The following ST8SIA1 variants were observed in gnomAD, a reference collection of about 807,000 sequenced individuals.
ST8SIA1 encodes the protein ST8 alpha-N-acetyl-neuraminide alpha-2,8-sialyltransferase 1.
ST8SIA1 carries 16 observed loss-of-function variants against 35.9 expected under a neutral mutation model. That is an observed-to-expected ratio of 0.45 (90% CI 0.30 to 0.68). ST8SIA1 has a LOEUF of 0.68. Ranked by LOEUF, ST8SIA1 falls within the 30% of genes least tolerant of loss-of-function variation. The pLI, the probability that ST8SIA1 is intolerant of heterozygous loss-of-function variation, is 0.09. For synonymous variants in ST8SIA1, 170 were observed against 169.6 expected (o/e 1.00, Z -0.02); for missense variants, 383 against 453.6 (o/e 0.84, Z 1.41).
intron 1 of ST8SIA1, among the ~76,000 whole-genome samples, chr12:22,312,801 A>G (rs546183468): frequency 2.0e-4 from 31 of 152,296 alleles, no homozygotes; most frequent in Admixed American, 7.8e-4. Flanking sequence ...GACACAAGCA[A>G]AACTTTACTA....
intron 4 of ST8SIA1, among the ~76,000 whole-genome samples, chr12:22,207,661 T>C (rs1201934707): frequency 2.0e-5 from 3 of 152,066 alleles, no homozygotes; most frequent in African/African-American, 4.8e-5. Context: ...ATAAAAAAGA[T>C]AAAACAATTT....
intron 4 of ST8SIA1, 91 bp downstream of exon 4, chr12:22,248,915 C>A: frequency 2.1e-6 from 2 of 933,764 alleles, no homozygotes; most frequent in South Asian, 3.3e-5. Context: ...CTTGATTTCC[C>A]AAACTGAATT....
Position 22,334,703 on chromosome 12 carries a change from G to GC in ST8SIA1, c.-472dup, listed in dbSNP as rs1866825709. Reference sequence around the variant, plus strand: ...GCCTCCCGCGCTGCTGCGCCGCCAGGCAACCCCCCCCCCCCCACCCCGCCC... The same window carrying GC: ...GCCTCCCGCGCTGCTGCGCCGCCAGGCCAACCCCCCCCCCCCCACCCCGCCC... On this transcript the variant is annotated 5_prime_UTR_variant, in exon 1 of 5. Coordinates refer to ENST00000396037, the MANE Select transcript of ST8SIA1 (RefSeq NM_003034.4). 1 of 101,630 alleles carries GC rather than the reference G, an allele frequency of 9.8e-6. No homozygotes were observed. Among genetic ancestry groups the GC allele is most frequent in the African/African-American group, 4.0e-5 (1 of 25,122 alleles). 6.3% of individuals were successfully genotyped at this position (101,630 alleles called of 1,614,324 possible).
chr12:22,273,261 C>T (rs977947031), intron 2 of ST8SIA1, among the ~76,000 whole-genome samples: 1 of 152,198 alleles, frequency 6.6e-6, no homozygotes, highest in East Asian at 1.9e-4. Context: ...GATTGATCCC[C>T]ACCGTTCACC....
chr12:22,246,716 C>T (rs1028438116), intron 4 of ST8SIA1, among the ~76,000 whole-genome samples: 3 of 152,024 alleles, frequency 2.0e-5, no homozygotes, highest in African/African-American at 7.3e-5. Flanking sequence ...TAAGAGAGGC[C>T]TGGTGAAGTC....
chr12:22,303,056 A>T (rs746009926), intron 1 of ST8SIA1, among the ~76,000 whole-genome samples: 33 of 152,330 alleles, frequency 2.2e-4, no homozygotes, highest in South Asian at 1.4e-3. Context: ...ACACGTGCTC[A>T]ACTTTGACAA....
intron 2 of ST8SIA1, among the ~76,000 whole-genome samples, chr12:22,276,952 T>C (rs901696813): frequency 6.6e-6 from 1 of 152,154 alleles, no homozygotes; most frequent in Non-Finnish European, 1.5e-5. Context: ...TGGCTTTCCA[T>C]TCCCTACAAA....
chr12:22,313,700 T>G (rs1415749606), intron 1 of ST8SIA1, among the ~76,000 whole-genome samples: 1 of 152,192 alleles, frequency 6.6e-6, no homozygotes, highest in East Asian at 1.9e-4. Context: ...ATTTTTACGC[T>G]AATGATTTTA....
At chr12:22,326,652 C>T (rs1460451405) in intron 1 of ST8SIA1, among the ~76,000 whole-genome samples, 1 of 152,128 alleles carries the variant, frequency 6.6e-6, no homozygotes, top group Non-Finnish European at 1.5e-5. Flanking sequence ...TCCTATCATC[C>T]CACCCAGCCA....
intron 1 of ST8SIA1, among the ~76,000 whole-genome samples, chr12:22,301,898 C>A (rs1866322556): frequency 1.3e-5 from 2 of 152,098 alleles, no homozygotes; most frequent in South Asian, 4.2e-4. Flanking sequence ...CATGGCTGGG[C>A]TCAGCTTTAA....
intron 4 of ST8SIA1, among the ~76,000 whole-genome samples, chr12:22,205,277 A>G (rs560956015): frequency 6.6e-6 from 1 of 152,340 alleles, no homozygotes; most frequent in South Asian, 2.1e-4. Context: ...TACTATATGA[A>G]TAAAAAACTA....
chr12:22,261,228 T>A (rs1174902607), intron 2 of ST8SIA1, among the ~76,000 whole-genome samples: 1 of 152,186 alleles, frequency 6.6e-6, no homozygotes, highest in Non-Finnish European at 1.5e-5. Flanking sequence ...CACTGCAACC[T>A]GAGCCTCCTG....
intron 4 of ST8SIA1, among the ~76,000 whole-genome samples, chr12:22,241,205 G>A (rs1219948443): frequency 6.6e-6 from 1 of 151,954 alleles, no homozygotes; most frequent in African/African-American, 2.4e-5. Flanking sequence ...AATTTCAGAA[G>A]GTAATATGTT....
At chr12:22,216,484 G>A (rs1565569089) in intron 4 of ST8SIA1, among the ~76,000 whole-genome samples, 1 of 152,246 alleles carries the variant, frequency 6.6e-6, no homozygotes, top group South Asian at 2.1e-4. Context: ...CCTTTGCCCT[G>A]CTAATTCCTA....
At chr12:22,242,915 C>G (rs2120732305) in intron 4 of ST8SIA1, among the ~76,000 whole-genome samples, 1 of 152,164 alleles carries the variant, frequency 6.6e-6, no homozygotes, top group Admixed American at 6.5e-5. Flanking sequence ...TCTCAGGCAC[C>G]CTAACTAATC....
intron 4 of ST8SIA1, chr12:22,223,264 G>A (rs1865319866): frequency 6.5e-6 from 1 of 153,066 alleles, no homozygotes; most frequent in Admixed American, 6.5e-5. Flanking sequence ...CATTATATAT[G>A]CTTCTATTTC....
intron 4 of ST8SIA1, among the ~76,000 whole-genome samples, chr12:22,237,033 GC>G (rs1187480185): frequency 6.6e-6 from 1 of 152,126 alleles, no homozygotes; most frequent in Non-Finnish European, 1.5e-5. Context: ...CATATTGTTT[GC>G]CCCTCCAACT....
intron 4 of ST8SIA1, among the ~76,000 whole-genome samples, chr12:22,213,727 T>C (rs1195003035): frequency 6.6e-6 from 1 of 152,124 alleles, no homozygotes; most frequent in Admixed American, 6.5e-5. Context: ...TCTATTCCAC[T>C]CAAGGTTGAG....
intron 1 of ST8SIA1, among the ~76,000 whole-genome samples, chr12:22,322,634 C>G (rs2135842462): frequency 6.6e-6 from 1 of 152,226 alleles, no homozygotes; most frequent in East Asian, 1.9e-4. Context: ...CCCAAAGCAC[C>G]AAAGCAACAG....
Sources: allele counts gnomAD v4.1 joint callset (sites outside exome capture counted in the v4.1 genomes callset), GRCh38; gene constraint gnomAD v4.1.1; transcripts MANE v1.5; gene names NCBI Gene and HGNC (gene_info 2026-07-23, HGNC 2026-07-21).